The following EIF3M variants were observed in gnomAD, a reference collection of about 807,000 sequenced individuals.
EIF3M encodes eukaryotic translation initiation factor 3 subunit M, also known as B5 receptor.
A neutral mutation model predicts 49.7 loss-of-function variants in EIF3M; 25 were observed. The observed-to-expected ratio is 0.50, with a 90% CI of 0.37 to 0.70. The LOEUF (loss-of-function observed/expected upper bound fraction) is 0.70. EIF3M is among the 30% of genes least tolerant of loss of function. The probability of loss-of-function intolerance (pLI) is 0.00; values close to 1 mark genes in which losing one functional copy is unlikely to be tolerated. For synonymous variants in EIF3M, 156 were observed against 149.8 expected (o/e 1.04, Z -0.30); for missense variants, 350 against 440.0 (o/e 0.80, Z 1.83).
intron 1 of EIF3M, among the ~76,000 whole-genome samples, chr11:32,585,585 T>C (rs1854982924): frequency 6.6e-6 from 1 of 152,236 alleles, no homozygotes; most frequent in Non-Finnish European, 1.5e-5. Context: ...CGTGGTTCAA[T>C]AGTTCTTAGA....
Position 32,600,664 on chromosome 11 carries a change from C to G in EIF3M, c.800-25C>G, listed in dbSNP as rs1314505928. 2.5e-6 allele frequency: 4 copies of G among 1,582,522 alleles called. No individual in the cohort carries two copies. The African/African-American group carries it at 4.2e-5, about 17-fold the overall frequency. On this transcript the variant is annotated intron_variant, in intron 8 of 10. Transcript: ENST00000531120. ...GTCTTTAATTAGTATGAACACTCAT[C>G]AGGCTTCACTATTCTGTTTTCTAGG...
In EIF3M at chr11:32,600,808, G is replaced by A. The variant is rs1410437833; in HGVS notation, c.919G>A (p.Asp307Asn). 4 of 1,607,208 alleles carry A rather than the reference G, an allele frequency of 2.5e-6. No homozygotes were observed. Among genetic ancestry groups the A allele is most frequent in the Non-Finnish European group, 3.4e-6 (4 of 1,176,898 alleles). The change falls in exon 9 of 11, where the codon GAT (aspartate) becomes AAT (asparagine). Residue 307 changes from aspartate (D) to asparagine (N), a missense_variant. Coordinates refer to ENST00000531120, the MANE Select transcript of EIF3M (RefSeq NM_006360.6). ...GCAAGAACTTCAGATTGGAGCTGAT[G>A]ATGTTGAAGCATTTGTTATTGACGG... ...MQQELQIGADDVEAFVIDAVR... is the reference protein window; with the variant it reads ...MQQELQIGADNVEAFVIDAVR...
chr11:32,583,839 G>A lies in EIF3M; in HGVS notation c.-49G>A. The A allele has an allele frequency of 6.2e-7, 1 of 1,600,338 alleles. No individual in the cohort carries two copies. The highest frequency in any genetic ancestry group is 1.1e-5 in the South Asian group (1 of 90,042). On this transcript the variant is annotated 5_prime_UTR_variant, in exon 1 of 11. Coordinates refer to ENST00000531120, the MANE Select transcript of EIF3M (RefSeq NM_006360.6). ...TCGCGCGGCCCAGTTCCCTTTTCCG[G>A]TCGGCGTGGTCTTGCGAGTGGAGTG...
intron 1 of EIF3M, chr11:32,584,292 G>A (rs1321713515): frequency 7.5e-6 from 2 of 265,236 alleles, no homozygotes; most frequent in African/African-American, 4.5e-5. Context: ...GCAGGGTAGG[G>A]AAAAGTAATT....
Position 32,593,871 on chromosome 11 carries a change from C to T in EIF3M, c.539C>T (p.Ala180Val). 1 of 1,564,300 alleles carries T rather than the reference C, an allele frequency of 6.4e-7. No homozygotes were observed. Among genetic ancestry groups the T allele is most frequent in the South Asian group, 1.2e-5 (1 of 82,306 alleles). The change falls in exon 6 of 11, where the codon GCT (alanine) becomes GTT (valine). Residue 180 changes from alanine (A) to valine (V), a missense_variant. Physicochemically the swap from Ala to Val is moderately conservative, Grantham distance 64. Transcript: ENST00000531120. ...EALVDCKKSD[A>V]ASKVMVELLG... ...AAAGCAATATTTCTTTTTAGTGATG[C>T]TGCTTCAAAAGTCATGGTGGAATTG...
intron 8 of EIF3M, among the ~76,000 whole-genome samples, chr11:32,596,766 A>G (rs1474578365): frequency 1.3e-5 from 2 of 152,024 alleles, no homozygotes; most frequent in African/African-American, 4.8e-5. Flanking sequence ...ATTAGTGGGC[A>G]TGGTGGCACA....
intron 8 of EIF3M, among the ~76,000 whole-genome samples, chr11:32,599,107 A>C (rs1855222791): frequency 1.3e-5 from 2 of 152,104 alleles, no homozygotes; most frequent in African/African-American, 4.8e-5. Flanking sequence ...CACAAGTTGC[A>C]ATCAGTTTGT....
At chr11:32,602,159 A>ACTATT (rs1443788632) in intron 10 of EIF3M, 120 bp from the exon 11 acceptor site, 1 of 1,349,832 alleles carries the variant, frequency 7.4e-7, no homozygotes, top group East Asian at 2.5e-5. Context: ...AAATTCTCTT[A>ACTATT]CTATTCTAAA....
intron 3 of EIF3M, 120 bp from the exon 4 acceptor site, chr11:32,588,892 T>TGA: frequency 6.5e-7 from 1 of 1,530,354 alleles, no homozygotes; most frequent in Non-Finnish European, 8.8e-7. Context: ...TGCCCTAGTT[T>TGA]CCTCCTTTGT....
At chr11:32,591,317 G>A (rs1855099267) in intron 5 of EIF3M, among the ~76,000 whole-genome samples, 1 of 152,182 alleles carries the variant, frequency 6.6e-6, no homozygotes, top group South Asian at 2.1e-4. Context: ...TGTGGCACAA[G>A]ATAACTAATG....
chr11:32,605,485 G>C lies in EIF3M; in HGVS notation c.*3086G>C, dbSNP rs1855337640. 1 of 152,110 alleles carries C rather than the reference G, an allele frequency of 6.6e-6. No individual in the cohort carries two copies. Among genetic ancestry groups the C allele is most frequent in the Non-Finnish European group, 1.5e-5 (1 of 68,022 alleles). 9.4% of individuals were successfully genotyped at this position (152,110 alleles called of 1,614,324 possible). On this transcript the variant is annotated 3_prime_UTR_variant, in exon 11 of 11. Transcript: ENST00000531120. ...ATTACTGGAAAGAATAACTAGTAATGGATAAAAACCTACATAAATATTTCC... is the reference window on the plus strand; with the variant it reads ...ATTACTGGAAAGAATAACTAGTAATCGATAAAAACCTACATAAATATTTCC...
intron 5 of EIF3M, chr11:32,592,720 C>G (rs748380537): frequency 2.0e-6 from 1 of 506,030 alleles, no homozygotes. Context: ...CTCAGACCAC[C>G]AATAAACAGT....
At chr11:32,600,017 TTTGTC>T (rs1251253110) in intron 8 of EIF3M, among the ~76,000 whole-genome samples, 1 of 151,968 alleles carries the variant, frequency 6.6e-6, no homozygotes, top group Admixed American at 6.6e-5. Context: ...ATTTTCTACT[TTTGTC>T]TTATAAAGAA....
rs761679210 is a variant in EIF3M at position 32,589,626 on chromosome 11, T to G, written c.518T>G (p.Val173Gly). 3.1e-6 allele frequency: 5 copies of G among 1,613,930 alleles called. No homozygotes were observed. The Admixed American group carries it at 6.7e-5, about 22-fold the overall frequency. ...TLLRLLYEALVDCKKSDAASK... is the reference protein window; with the variant it reads ...TLLRLLYEALGDCKKSDAASK... ...TTAAGACTACTTTATGAGGCACTTGTGGATTGTAAGAAGAGGTATTCAAAA... is the reference window on the plus strand; with the variant it reads ...TTAAGACTACTTTATGAGGCACTTGGGGATTGTAAGAAGAGGTATTCAAAA... Residue 173 changes from valine to glycine, a missense_variant, in exon 5 of 11, where the codon GTG (valine) becomes GGG (glycine). By Grantham distance (109) the Val-to-Gly change is moderately radical. Transcript: ENST00000531120.
intron 1 of EIF3M, among the ~76,000 whole-genome samples, chr11:32,585,826 A>G (rs1274020194): frequency 7.2e-6 from 1 of 138,576 alleles, no homozygotes; most frequent in African/African-American, 2.8e-5. Context: ...GGGTTTAAAA[A>G]TCTTGATGGC....
At chr11:32,601,554 A>G (rs1855265450) in intron 9 of EIF3M, 1 of 434,204 alleles carries the variant, frequency 2.3e-6, no homozygotes, top group African/African-American at 2.0e-5. Context: ...TATTTATTTA[A>G]TATAGATTGT....
In EIF3M at chr11:32,603,225, C is replaced by G; in HGVS notation, c.*826C>G. The stretch of plus-strand genomic sequence containing the variant: ...GATCTTCAAAATCTCTAATATATAA[C>G]TGAAGTAAAGTGTACAAAAACTGCC... On this transcript the variant is annotated 3_prime_UTR_variant, in exon 11 of 11. Coordinates refer to ENST00000531120, the MANE Select transcript of EIF3M (RefSeq NM_006360.6). The G allele has an allele frequency of 4.2e-6, 2 of 476,616 alleles. No individual in the cohort carries two copies. Among genetic ancestry groups the G allele is most frequent in the Non-Finnish European group, 3.7e-6 (1 of 272,752 alleles). The allele number at this position is 476,616 out of a possible 1,614,324, so 29.5% of individuals were successfully genotyped here.
At chr11:32,593,978 T>C in intron 6 of EIF3M, 29 bp downstream of exon 6, 1 of 1,416,528 alleles carries the variant, frequency 7.1e-7, no homozygotes, top group Non-Finnish European at 9.4e-7. Flanking sequence ...CTGATGAGGG[T>C]TTGACAGCGA....
At chr11:32,596,393 C>T (rs1385317795) in intron 8 of EIF3M, among the ~76,000 whole-genome samples, 2 of 151,718 alleles carry the variant, frequency 1.3e-5, no homozygotes, top group Non-Finnish European at 2.9e-5. Context: ...AGGTCGAGAC[C>T]ATCTTGGCTG....
Sources: allele counts gnomAD v4.1 joint callset (sites outside exome capture counted in the v4.1 genomes callset), GRCh38; gene constraint gnomAD v4.1.1; transcripts MANE v1.5; gene names NCBI Gene and HGNC (gene_info 2026-07-23, HGNC 2026-07-21).